Variants in SWT1 observed in about 807,000 individuals in gnomAD.
SWT1 encodes the protein SWT1 RNA endoribonuclease homolog.
A neutral mutation model predicts 107.3 loss-of-function variants in SWT1; 33 were observed. The ratio of observed to expected loss-of-function variants is 0.31; its 90% CI spans 0.23 to 0.41. SWT1 has a LOEUF of 0.41. SWT1 is among the 10% of genes least tolerant of loss of function. SWT1 has a pLI of 1.00. For missense variants in SWT1, 898 were observed against 1,028.9 expected, an observed-to-expected ratio of 0.87 and a Z score of 1.74; for synonymous variants, 345 against 348.3, an observed-to-expected ratio of 0.99 and a Z score of 0.11.
chr1:185,235,343 A>G (rs1293888041), intron 16 of SWT1, among the ~76,000 whole-genome samples: 6 of 152,230 alleles, frequency 3.9e-5, no homozygotes, highest in Admixed American at 1.3e-4. Flanking sequence ...ATCCAGCAGC[A>G]CATCAAAAAG....
chr1:185,177,871 T>C (rs1439401239), intron 5 of SWT1, among the ~76,000 whole-genome samples: 1 of 152,164 alleles, frequency 6.6e-6, no homozygotes, highest in East Asian at 1.9e-4. Flanking sequence ...CACATTTAAT[T>C]CTTACAAGAC....
chr1:185,277,034 AACT>A (rs1664288198), intron 18 of SWT1, among the ~76,000 whole-genome samples: 1 of 152,138 alleles, frequency 6.6e-6, no homozygotes, highest in Non-Finnish European at 1.5e-5. Context: ...TAAAAATAAC[AACT>A]ACATGTTAAG....
chr1:185,206,543 T>C, intron 12 of SWT1, 82 bp from the exon 13 acceptor site: 1 of 783,556 alleles, frequency 1.3e-6, no homozygotes, highest in South Asian at 3.7e-5. Context: ...TCAAAATATA[T>C]GTAGGAATTC....
At chr1:185,278,075 T>G (rs894104482) in intron 18 of SWT1, among the ~76,000 whole-genome samples, 1 of 152,060 alleles carries the variant, frequency 6.6e-6, no homozygotes, top group Non-Finnish European at 1.5e-5. Context: ...CCTCCTGCCT[T>G]GGCTTCCCAA....
Position 185,263,765 on chromosome 1 carries a change from T to C in SWT1, c.2442-7558T>C, listed in dbSNP as rs575550285. ...AGATTGACCCAAAGTCACATAAAGATGAAACTGGGACTAGAATTTTACATC... is the reference window on the plus strand; with the variant it reads ...AGATTGACCCAAAGTCACATAAAGACGAAACTGGGACTAGAATTTTACATC... On this transcript the variant is annotated intron_variant, in intron 16 of 18. Transcript: ENST00000367500. 11 of 152,260 alleles carry C rather than the reference T, an allele frequency of 7.2e-5. No homozygotes were observed. The East Asian group carries it at 2.1e-3, about 29-fold the overall frequency. The allele number at this position is 152,260 out of a possible 1,614,324, so 9.4% of individuals were successfully genotyped here. A position where few individuals can be genotyped will look rare whatever the true frequency, so the allele number is the denominator to read the frequency against.
At chr1:185,265,503 C>A (rs1315834366) in intron 16 of SWT1, among the ~76,000 whole-genome samples, 1 of 152,096 alleles carries the variant, frequency 6.6e-6, no homozygotes, top group Non-Finnish European at 1.5e-5. Flanking sequence ...AACTTAAATT[C>A]ATCATCAGCA....
intron 16 of SWT1, among the ~76,000 whole-genome samples, chr1:185,247,035 T>C (rs774254088): frequency 6.6e-6 from 1 of 152,214 alleles, no homozygotes; most frequent in Non-Finnish European, 1.5e-5. Flanking sequence ...TTCTTGTTGA[T>C]TGCGTGTGAT....
chr1:185,280,531 GT>G (rs1558100773), intron 18 of SWT1, among the ~76,000 whole-genome samples: 1 of 151,964 alleles, frequency 6.6e-6, no homozygotes, highest in Non-Finnish European at 1.5e-5. Context: ...TAGGAGCATC[GT>G]TTGCTCTAAT....
intron 7 of SWT1, among the ~76,000 whole-genome samples, chr1:185,183,751 T>C (rs1194349462): frequency 6.6e-6 from 1 of 152,176 alleles, no homozygotes; most frequent in Admixed American, 6.5e-5. Context: ...CTACAAGCAA[T>C]TTATAGTATT....
intron 16 of SWT1, among the ~76,000 whole-genome samples, chr1:185,241,417 G>A (rs2102609173): frequency 6.6e-6 from 1 of 152,194 alleles, no homozygotes; most frequent in East Asian, 1.9e-4. Context: ...ATATCACTTA[G>A]TTACCTTCTC....
At chr1:185,233,747 A>G (rs941124363) in intron 16 of SWT1, among the ~76,000 whole-genome samples, 9 of 151,792 alleles carry the variant, frequency 5.9e-5, no homozygotes, top group African/African-American at 2.2e-4. Flanking sequence ...TTATTTATTT[A>G]TTTATTTATT....
chr1:185,259,146 A>G (rs768102152), intron 16 of SWT1, among the ~76,000 whole-genome samples: 1 of 152,032 alleles, frequency 6.6e-6, no homozygotes, highest in Non-Finnish European at 1.5e-5. Context: ...TTTTCTTTTC[A>G]CCCTTTTTAC....
intron 15 of SWT1, chr1:185,226,750 C>G: frequency 4.6e-6 from 2 of 433,756 alleles, no homozygotes; most frequent in Non-Finnish European, 7.3e-6. Flanking sequence ...TTTTTTTTTG[C>G]TGTCCATAAG....
chr1:185,200,051 G>T (rs1474614743), intron 10 of SWT1, among the ~76,000 whole-genome samples: 1 of 151,880 alleles, frequency 6.6e-6, no homozygotes, highest in Non-Finnish European at 1.5e-5. Context: ...GTTAATACTT[G>T]TGTATGCTTT....
At position 185,181,930 on chromosome 1, in the gene SWT1, G is replaced by A. The variant is rs765213946; in HGVS notation, c.1027-16G>A. ...AAGTAACTCAAAATATTTCACTGGG[G>A]TCTTTTACACTTTAGATGCAGATAG... On this transcript the variant is annotated splice_polypyrimidine_tract_variant and intron_variant, in intron 6 of 18. Transcript: ENST00000367500. 4.3e-6 allele frequency: 7 copies of A among 1,613,050 alleles called. No individual in the cohort carries two copies. Among genetic ancestry groups the A allele is most frequent in the African/African-American group, 1.3e-5 (1 of 74,990 alleles).
In SWT1 at chr1:185,193,059, G is replaced by C. The variant is rs150768719; in HGVS notation, c.1523+2417G>C. Among the ~76,000 whole-genome samples the C allele has an allele frequency of 3.3e-5, 5 of 152,200 alleles. No homozygotes were observed. In the East Asian group the frequency reaches 9.7e-4, roughly 29 times the overall value. On this transcript the variant is annotated intron_variant, in intron 10 of 18. Coordinates refer to ENST00000367500, the MANE Select transcript of SWT1 (RefSeq NM_017673.7). ...CTGTCCTCTAAGCACTTCTGCAGTT[G>C]TATCCCACAAATTTTAATATGTTGT...
At chr1:185,181,832 A>T in intron 6 of SWT1, 114 bp from the exon 7 acceptor site, 1 of 1,082,600 alleles carries the variant, frequency 9.2e-7, no homozygotes, top group East Asian at 2.6e-5. Flanking sequence ...GTTTTATAAA[A>T]TTTTTTCTTT....
chr1:185,177,086 AT>A, intron 5 of SWT1: 1 of 977,538 alleles, frequency 1.0e-6, no homozygotes, highest in Non-Finnish European at 1.2e-6. Flanking sequence ...GGGAATTAGT[AT>A]TTTTAGTTTA....
At chr1:185,281,590 C>A in intron 18 of SWT1, 1 of 226,542 alleles carries the variant, frequency 4.4e-6, no homozygotes, top group South Asian at 6.3e-5. Context: ...ATGAGTTTGT[C>A]AAGGCCTTTC....
Sources: gnomAD v4.1 joint callset for allele counts (sites outside exome capture counted in the v4.1 genomes callset) on GRCh38, gnomAD v4.1.1 for gene constraint, MANE v1.5 for transcripts, NCBI Gene and HGNC (gene_info 2026-07-23, HGNC 2026-07-21) for gene names.